The following DDX6 variants were observed in gnomAD, a reference collection of about 807,000 sequenced individuals.
DDX6 encodes the protein probable ATP-dependent RNA helicase DDX6.
A neutral mutation model predicts 60.6 loss-of-function variants in DDX6; 7 were observed. The observed-to-expected ratio is 0.12, with a 90% CI of 0.07 to 0.22. DDX6 has a LOEUF of 0.22. Among genes scored for constraint, DDX6 ranks in the 10% least tolerant of loss-of-function variants. The pLI, the probability that DDX6 is intolerant of heterozygous loss-of-function variation, is 1.00. For missense variants in DDX6, 270 were observed against 589.9 expected, an observed-to-expected ratio of 0.46 and a Z score of 5.62; for synonymous variants, 207 against 201.0, an observed-to-expected ratio of 1.03 and a Z score of -0.25.
chr11:118,787,287 T>C (rs958886396), intron 1 of DDX6: 6 of 152,226 alleles, frequency 3.9e-5, no homozygotes, highest in Non-Finnish European at 7.3e-5. Context: ...CTGGCCAAGA[T>C]GGTGAAACCC....
chr11:118,769,883 T>G (rs1246210869), intron 4 of DDX6, among the ~76,000 whole-genome samples: 3 of 151,994 alleles, frequency 2.0e-5, no homozygotes, highest in Non-Finnish European at 4.4e-5. Flanking sequence ...TTTTTTTTTG[T>G]ATTTTTAGTA....
chr11:118,760,024 C>T lies in DDX6; in HGVS notation c.762G>A (p.Gln254=). Residue 254 remains glutamine, a synonymous_variant, in exon 8 of 14, where the codon CAG becomes CAA. Transcript: ENST00000534980. The stretch of plus-strand genomic sequence containing the variant: ...TATCCTCCATTATCTGCACAAAATC[C>T]TGTGACAGCAACTTATCTGCCTGCA... The part of the protein sequence containing the change: ...VLDEADKLLS[Q]DFVQIMEDII... The T allele has an allele frequency of 6.2e-7, 1 of 1,612,080 alleles. No homozygotes were observed. The highest frequency in any genetic ancestry group is 2.2e-5 in the East Asian group (1 of 44,808).
rs1860619072 is a variant in DDX6 at position 118,747,962 on chromosome 11, A to C, written c.*4143T>G. 1 of 128,682 alleles carries C rather than the reference A, an allele frequency of 7.8e-6. No homozygotes were observed. Among genetic ancestry groups the C allele is most frequent in the African/African-American group, 3.1e-5 (1 of 32,530 alleles). 8.0% of individuals were successfully genotyped at this position (128,682 alleles called of 1,614,324 possible). ...GAGAAAGCCAATTTTCCCTTCCCCC[A>C]ATGTTTCTGAAATTTTGAGTTCCCA... On this transcript the variant is annotated 3_prime_UTR_variant, in exon 14 of 14. Transcript: ENST00000534980.
chr11:118,760,453 C>T lies in DDX6; in HGVS notation c.742-409G>A, dbSNP rs1396816330. Among the ~76,000 whole-genome samples, 3 of 152,170 alleles carry T rather than the reference C, an allele frequency of 2.0e-5. No homozygotes were observed. The South Asian group carries it at 6.2e-4, about 31-fold the overall frequency. On this transcript the variant is annotated intron_variant, in intron 7 of 13. Transcript: ENST00000534980. ...GAGTAGCTAGGACTACAGGCACATACCTCCATGCCCAGCTCCACAACAGAA... is the reference window on the plus strand; with the variant it reads ...GAGTAGCTAGGACTACAGGCACATATCTCCATGCCCAGCTCCACAACAGAA...
rs995325793 is a variant in DDX6 at position 118,749,050 on chromosome 11, T to G, written c.*3055A>C. ...CTGTGAAAGATCATTTTAGAATAAA[T>G]GTATTCCATTCCTATGGGAGAGGCA... On this transcript the variant is annotated 3_prime_UTR_variant, in exon 14 of 14. Coordinates refer to ENST00000534980, the MANE Select transcript of DDX6 (RefSeq NM_004397.6). 6.6e-6 allele frequency: 1 copy of G among 152,162 alleles called. No individual in the cohort carries two copies. Among genetic ancestry groups the G allele is most frequent in the African/African-American group, 2.4e-5 (1 of 41,434 alleles). The allele number at this position is 152,162 out of a possible 1,614,324, so 9.4% of individuals were successfully genotyped here.
intron 5 of DDX6, among the ~76,000 whole-genome samples, chr11:118,765,648 A>C (rs374370864): frequency 6.6e-6 from 1 of 152,002 alleles, no homozygotes; most frequent in South Asian, 2.1e-4. Flanking sequence ...GGTGGCACGC[A>C]CCTGTAGTCC....
chr11:118,760,110 T>A (rs782548233), intron 7 of DDX6, 66 bp from the exon 8 acceptor site: 80 of 1,445,556 alleles, frequency 5.5e-5, no homozygotes, highest in Non-Finnish European at 7.3e-5. Flanking sequence ...GGTTAATACA[T>A]GGTCAAAGAA....
chr11:118,760,065 A>C, intron 7 of DDX6, 21 bp from the exon 8 acceptor site: 1 of 1,606,106 alleles, frequency 6.2e-7, no homozygotes, highest in Non-Finnish European at 8.5e-7. Context: ...AAGAAAAGAC[A>C]ATTTTAAAAA....
At chr11:118,777,094 C>G (rs1211137396) in intron 4 of DDX6, among the ~76,000 whole-genome samples, 1 of 152,066 alleles carries the variant, frequency 6.6e-6, no homozygotes, top group East Asian at 1.9e-4. Context: ...CATACATACG[C>G]AATTCCAACT....
chr11:118,769,068 G>C (rs1399762435), intron 4 of DDX6, among the ~76,000 whole-genome samples: 2 of 144,000 alleles, frequency 1.4e-5, no homozygotes, highest in African/African-American at 2.6e-5. Flanking sequence ...AAAGCAAAAC[G>C]ATCACTTGAG....
intron 13 of DDX6, among the ~76,000 whole-genome samples, chr11:118,753,367 T>C (rs1354508863): frequency 9.0e-6 from 1 of 111,098 alleles, no homozygotes; most frequent in Admixed American, 1.1e-4. Flanking sequence ...TGAGATGGAG[T>C]CTAGCTTTGT....
rs548847775 is a variant in DDX6 at position 118,751,942 on chromosome 11, C to A, written c.*163G>T. On this transcript the variant is annotated 3_prime_UTR_variant, in exon 14 of 14. Transcript: ENST00000534980. Reference sequence around the variant, plus strand: ...AAAAAGGTATATTCCTTCTTTTCAGCCTTTTTCTCTTCACCAGTTAAAAAA... The same window carrying A: ...AAAAAGGTATATTCCTTCTTTTCAGACTTTTTCTCTTCACCAGTTAAAAAA... The A allele has an allele frequency of 4.8e-6, 2 of 417,690 alleles. No homozygotes were observed. Among genetic ancestry groups the A allele is most frequent in the African/African-American group, 2.1e-5 (1 of 48,218 alleles). The allele number at this position is 417,690 out of a possible 1,614,324, so 25.9% of individuals were successfully genotyped here.
chr11:118,782,031 G>A (rs933531428), intron 2 of DDX6, among the ~76,000 whole-genome samples: 1 of 151,926 alleles, frequency 6.6e-6, no homozygotes, highest in Non-Finnish European at 1.5e-5. Flanking sequence ...TGGCCAATAC[G>A]GTGAAACCCA....
At chr11:118,775,765 G>A (rs1414268301) in intron 4 of DDX6, among the ~76,000 whole-genome samples, 1 of 152,148 alleles carries the variant, frequency 6.6e-6, no homozygotes, top group African/African-American at 2.4e-5. Context: ...ACAACACTCA[G>A]AGTACAAGTA....
chr11:118,772,164 G>C (rs1861556064), intron 4 of DDX6, among the ~76,000 whole-genome samples: 1 of 152,170 alleles, frequency 6.6e-6, no homozygotes, highest in Non-Finnish European at 1.5e-5. Context: ...TCAGACGGAT[G>C]ACAGTTGAGA....
intron 4 of DDX6, among the ~76,000 whole-genome samples, chr11:118,772,141 C>A (rs1479993377): frequency 3.3e-5 from 5 of 152,116 alleles, no homozygotes; most frequent in African/African-American, 7.2e-5. Flanking sequence ...TTTAAAATCA[C>A]AAGTTAGGTT....
chr11:118,781,466 G>T (rs1204858859), intron 2 of DDX6, among the ~76,000 whole-genome samples: 1 of 152,118 alleles, frequency 6.6e-6, no homozygotes, highest in African/African-American at 2.4e-5. Flanking sequence ...GACCTACACA[G>T]CATGTGTTTT....
chr11:118,765,730 C>T lies in DDX6; in HGVS notation c.500-375G>A, dbSNP rs573084656. On this transcript the variant is annotated intron_variant, in intron 5 of 13. Coordinates refer to ENST00000534980, the MANE Select transcript of DDX6 (RefSeq NM_004397.6). ...CAGAGGCTGCAGTGAGGCAAGATCG[C>T]GCCACTGCACTCCAGCCTGGGCGAC... Among the ~76,000 whole-genome samples, 29 of 150,770 alleles carry T rather than the reference C, an allele frequency of 1.9e-4. 1 individual carries two copies. Among genetic ancestry groups the T allele is most frequent in the Middle Eastern group, 3.4e-3 (1 of 290 alleles).
chr11:118,779,425 G>C (rs782204800), intron 4 of DDX6, among the ~76,000 whole-genome samples: 6 of 152,100 alleles, frequency 3.9e-5, no homozygotes, highest in Admixed American at 1.3e-4. Flanking sequence ...CTGTGGTTAC[G>C]TAAGAGAATA....
Sources: allele counts gnomAD v4.1 joint callset (sites outside exome capture counted in the v4.1 genomes callset), GRCh38; gene constraint gnomAD v4.1.1; transcripts MANE v1.5; gene names NCBI Gene and HGNC (gene_info 2026-07-23, HGNC 2026-07-21).